The following NLGN1 variants were observed in gnomAD, a reference collection of about 807,000 sequenced individuals.
NLGN1 encodes neuroligin-1.
NLGN1 carries 12 observed loss-of-function variants against 65.5 expected under a neutral mutation model. That is an observed-to-expected ratio of 0.18 (90% CI 0.12 to 0.30). The LOEUF (loss-of-function observed/expected upper bound fraction) is 0.30. Among genes scored for constraint, NLGN1 ranks in the 10% least tolerant of loss-of-function variants. NLGN1 has a pLI of 1.00. For synonymous variants in NLGN1, 350 were observed against 359.5 expected, an observed-to-expected ratio of 0.97 and a Z score of 0.30; for missense variants, 750 against 1,007.1, an observed-to-expected ratio of 0.74 and a Z score of 3.46.
At chr3:173,880,186 A>G (rs1438502566) in intron 4 of NLGN1, among the ~76,000 whole-genome samples, 1 of 152,166 alleles carries the variant, frequency 6.6e-6, no homozygotes, top group Non-Finnish European at 1.5e-5. Context: ...CTTTAACTGA[A>G]TGATACATAA....
At chr3:174,267,303 T>G (rs1748450335) in intron 4 of NLGN1, among the ~76,000 whole-genome samples, 1 of 152,106 alleles carries the variant, frequency 6.6e-6, no homozygotes, top group South Asian at 2.1e-4. Context: ...GAGGAACCAT[T>G]GTGTCATATG....
chr3:173,588,225 C>T (rs1747833538), intron 2 of NLGN1, among the ~76,000 whole-genome samples: 2 of 152,144 alleles, frequency 1.3e-5, no homozygotes, highest in African/African-American at 4.8e-5. Context: ...TAATTTAAAA[C>T]ATCATGAGGT....
intron 2 of NLGN1, among the ~76,000 whole-genome samples, chr3:173,541,107 T>C (rs1738788123): frequency 6.6e-6 from 1 of 152,140 alleles, no homozygotes; most frequent in African/African-American, 2.4e-5. Flanking sequence ...TAGGAAACAG[T>C]ATATAGGGAA....
chr3:173,982,595 G>T (rs1388223950), intron 4 of NLGN1, among the ~76,000 whole-genome samples: 1 of 152,158 alleles, frequency 6.6e-6, no homozygotes, highest in African/African-American at 2.4e-5. Flanking sequence ...TCATTCTGGA[G>T]AATATAAAAG....
At chr3:174,170,234 C>A (rs1054714321) in intron 4 of NLGN1, among the ~76,000 whole-genome samples, 55 of 151,144 alleles carry the variant, frequency 3.6e-4, no homozygotes, top group Admixed American at 5.9e-4. Context: ...AAAAAAAAAA[C>A]TTTTAAGTTT....
At chr3:173,931,252 C>G (rs1245861931) in intron 4 of NLGN1, among the ~76,000 whole-genome samples, 1 of 151,934 alleles carries the variant, frequency 6.6e-6, no homozygotes, top group Non-Finnish European at 1.5e-5. Flanking sequence ...GAGCCTATGT[C>G]CTATTCAGGG....
chr3:173,597,545 A>G (rs1025996512), intron 2 of NLGN1, among the ~76,000 whole-genome samples: 1 of 152,152 alleles, frequency 6.6e-6, no homozygotes, highest in African/African-American at 2.4e-5. Flanking sequence ...CACAAAAGTA[A>G]TGATTCCCAC....
At chr3:173,770,567 G>A (rs944257483) in intron 3 of NLGN1, among the ~76,000 whole-genome samples, 1 of 152,038 alleles carries the variant, frequency 6.6e-6, no homozygotes, top group Non-Finnish European at 1.5e-5. Context: ...TTTTAGTTCA[G>A]TGCTGCTCCT....
At chr3:174,231,004 G>A (rs906123270) in intron 4 of NLGN1, among the ~76,000 whole-genome samples, 2 of 152,126 alleles carry the variant, frequency 1.3e-5, no homozygotes, top group Non-Finnish European at 2.9e-5. Context: ...GTTTGTTTGA[G>A]GAAGGGCTGT....
intron 2 of NLGN1, among the ~76,000 whole-genome samples, chr3:173,575,806 C>T (rs1379625785): frequency 6.6e-6 from 1 of 152,060 alleles, no homozygotes; most frequent in Admixed American, 6.5e-5. Context: ...ATATAATTCT[C>T]AAATACAAAG....
intron 2 of NLGN1, among the ~76,000 whole-genome samples, chr3:173,589,408 T>C (rs1204611986): frequency 6.6e-6 from 1 of 152,196 alleles, no homozygotes; most frequent in East Asian, 1.9e-4. Flanking sequence ...GCTTCATTAA[T>C]AGAACTGCAT....
At chr3:173,719,556 C>T (rs140388416) in intron 3 of NLGN1, among the ~76,000 whole-genome samples, 4 of 152,180 alleles carry the variant, frequency 2.6e-5, no homozygotes, top group Non-Finnish European at 4.4e-5. Flanking sequence ...GAGAAGGCGT[C>T]GTGTTGCATA....
intron 1 of NLGN1, among the ~76,000 whole-genome samples, chr3:173,419,559 G>A (rs929648970): frequency 1.3e-5 from 2 of 152,140 alleles, no homozygotes; most frequent in Admixed American, 6.6e-5. Flanking sequence ...CAGTGCTTGT[G>A]CAAGATGGTG....
chr3:173,819,851 C>T (rs1873038), intron 4 of NLGN1, among the ~76,000 whole-genome samples: 128,203 of 152,200 alleles, frequency 0.84, 54,858 homozygotes, highest in African/African-American at 0.93. Context: ...CACTGTGTGC[C>T]CTTCTCAGGA....
At chr3:173,963,763 A>G (rs1714152391) in intron 4 of NLGN1, among the ~76,000 whole-genome samples, 1 of 152,234 alleles carries the variant, frequency 6.6e-6, no homozygotes, top group Admixed American at 6.5e-5. Context: ...ACAAAGTTCA[A>G]AAGGTGTCTA....
intron 3 of NLGN1, among the ~76,000 whole-genome samples, chr3:173,780,132 T>G (rs560539213): frequency 9.2e-5 from 14 of 152,328 alleles, no homozygotes; most frequent in Middle Eastern, 6.8e-3. Context: ...ATATTTAAAC[T>G]TACAGTTGAC....
At chr3:173,716,019 A>G (rs1396995324) in intron 3 of NLGN1, among the ~76,000 whole-genome samples, 1 of 152,228 alleles carries the variant, frequency 6.6e-6, no homozygotes, top group African/African-American at 2.4e-5. Flanking sequence ...ATACATAAAT[A>G]TGCTTACAAT....
chr3:174,258,266 A>T (rs1746180153), intron 4 of NLGN1, among the ~76,000 whole-genome samples: 2 of 152,138 alleles, frequency 1.3e-5, no homozygotes, highest in South Asian at 2.1e-4. Context: ...GATTATAACC[A>T]CTGAAATAAA....
intron 4 of NLGN1, among the ~76,000 whole-genome samples, chr3:173,991,046 G>A (rs1159831987): frequency 3.3e-5 from 5 of 152,122 alleles, no homozygotes; most frequent in Middle Eastern, 3.4e-3. Flanking sequence ...TTGATGAACC[G>A]ATATTGACAC....
Sources: allele counts gnomAD v4.1 joint callset (sites outside exome capture counted in the v4.1 genomes callset), GRCh38; gene constraint gnomAD v4.1.1; transcripts MANE v1.5; gene names NCBI Gene and HGNC (gene_info 2026-07-23, HGNC 2026-07-21).